TNFRSF25: variants seen among roughly 807,000 people sequenced by gnomAD.
TNFRSF25 encodes TNF receptor superfamily member 25.
Under a neutral mutation model 49.4 loss-of-function variants are expected in TNFRSF25, and 28 were observed. The observed-to-expected ratio is 0.57, with a 90% CI of 0.42 to 0.78. TNFRSF25 has a LOEUF of 0.78. Ranked by LOEUF, TNFRSF25 falls within the 30% of genes least tolerant of loss-of-function variation. The pLI is 0.00. For synonymous variants in TNFRSF25, 240 were observed against 234.2 expected, an observed-to-expected ratio of 1.02 and a Z score of -0.23; for missense variants, 531 against 581.6, an observed-to-expected ratio of 0.91 and a Z score of 0.90.
chr1:6,464,544 G>T lies in TNFRSF25; in HGVS notation c.463+8C>A, dbSNP rs1569797992. 1.2e-6 allele frequency: 2 copies of T among 1,614,020 alleles called. No individual in the cohort carries two copies. Among genetic ancestry groups the T allele is most frequent in the Non-Finnish European group, 1.7e-6 (2 of 1,179,950 alleles). On this transcript the variant is annotated splice_region_variant and intron_variant, in intron 4 of 9. Coordinates refer to ENST00000356876, the MANE Select transcript of TNFRSF25 (RefSeq NM_003790.3). ...TGGGAGTAGAGAGCCCTGGGTGGGG[G>T]TACTCACAGAGTAGCCGTGTGTGGC...
In TNFRSF25 at chr1:6,461,433, G is replaced by A; in HGVS notation, c.*1C>T. The A allele has an allele frequency of 6.7e-7, 1 of 1,503,032 alleles. No individual in the cohort carries two copies. Among genetic ancestry groups the A allele is most frequent in the Non-Finnish European group, 8.9e-7 (1 of 1,127,384 alleles). The allele number at this position is 1,503,032 out of a possible 1,614,324, so 93.1% of individuals were successfully genotyped here. ...CGCCTAGGTGGCAAGTGGGCGCCGT[G>A]TCACGGGCCGCGCTGCAGGCGGCTG... is the stretch of plus-strand genomic sequence containing the variant. On this transcript the variant is annotated 3_prime_UTR_variant, in exon 10 of 10. Coordinates refer to ENST00000356876, the MANE Select transcript of TNFRSF25 (RefSeq NM_003790.3). The surrounding 1 kb of genome is among the most constrained non-coding windows in gnomAD (Gnocchi z 6.3).
chr1:6,465,535 G>T lies in TNFRSF25; in HGVS notation c.65C>A (p.Ala22Asp). The T allele has an allele frequency of 6.2e-7, 1 of 1,613,328 alleles. No individual in the cohort carries two copies. Among genetic ancestry groups the T allele is most frequent in the Non-Finnish European group, 8.5e-7 (1 of 1,179,868 alleles). The part of the protein sequence containing the change: ...AAALLLVLLG[A>D]RAQGGTRSPR... ...GCTACGAGTGCCGCCCTGGGCCCGG[G>T]CCCCCAGCAGCACCAGGAGGAGCGC... Residue 22 changes from alanine (A) to aspartate (D), a missense_variant, in exon 2 of 10, where the codon GCC (alanine) becomes GAC (aspartate). Physicochemically the swap from Ala to Asp is moderately radical, Grantham distance 126. Coordinates refer to ENST00000356876, the MANE Select transcript of TNFRSF25 (RefSeq NM_003790.3).
rs953419603 is a variant in TNFRSF25, at chr1:6,461,288, G to A, written c.*146C>T. 6.2e-5 allele frequency: 64 copies of A among 1,024,560 alleles called. No homozygotes were observed. Among genetic ancestry groups the A allele is most frequent in the Non-Finnish European group, 8.8e-5 (59 of 668,856 alleles). 63.5% of individuals were successfully genotyped at this position (1,024,560 alleles called of 1,614,324 possible). A position where few individuals can be genotyped will look rare whatever the true frequency, so the allele number is the denominator to read the frequency against. ...TCGCCTTGGCTGGAGCGATAGGGGC[G>A]AGCAGGGGTGGGGCCGGCTGGTGCT... On this transcript the variant is annotated 3_prime_UTR_variant, in exon 10 of 10. Coordinates refer to ENST00000356876, the MANE Select transcript of TNFRSF25 (RefSeq NM_003790.3). This position sits in a 1 kb window ranked among gnomAD's most constrained non-coding sequence, Gnocchi z 6.3.
chr1:6,465,961 C>G, intron 1 of TNFRSF25, 108 bp downstream of exon 1: 1 of 1,481,792 alleles, frequency 6.7e-7, no homozygotes, highest in South Asian at 1.3e-5. Flanking sequence ...GCGGCCAACC[C>G]AGCCCCCAGT....
chr1:6,463,189 A>G, intron 5 of TNFRSF25, 62 bp from the exon 6 acceptor site: 5 of 1,503,694 alleles, frequency 3.3e-6, no homozygotes, highest in Non-Finnish European at 4.5e-6. Flanking sequence ...GCTCCCTAAG[A>G]CTGCCCAGCA....
chr1:6,461,075 T>G lies in TNFRSF25; in HGVS notation c.*359A>C, dbSNP rs1569776046. The G allele has an allele frequency of 4.0e-6, 2 of 496,342 alleles. No individual in the cohort carries two copies. Among genetic ancestry groups the G allele is most frequent in the East Asian group, 1.2e-4 (2 of 17,360 alleles). The allele number at this position is 496,342 out of a possible 1,614,324, so 30.7% of individuals were successfully genotyped here. A position where few individuals can be genotyped will look rare whatever the true frequency, so the allele number is the denominator to read the frequency against. ...GTGCCAGATCCCGGGGTGACAAGAT[T>G]CCCGTCCCCTTCGAATCCCTCGAGA... On this transcript the variant is annotated 3_prime_UTR_variant, in exon 10 of 10. Transcript: ENST00000356876. The surrounding 1 kb of genome is among the most constrained non-coding windows in gnomAD (Gnocchi z 6.3).
rs1297254565 is a variant in TNFRSF25, at chr1:6,465,546, C to T, written c.54G>A (p.Val18=). The change falls in exon 2 of 10, where the codon GTG becomes GTA. Residue 18 remains valine (V), a synonymous_variant. Transcript: ENST00000356876. ...CGCCCTGGGCCCGGGCCCCCAGCAG[C>T]ACCAGGAGGAGCGCCTGGGGGACAG... is the stretch of plus-strand genomic sequence containing the variant. The part of the protein sequence containing the change: ...CAAVAAALLL[V]LLGARAQGGT... The T allele has an allele frequency of 6.2e-7, 1 of 1,613,114 alleles. No homozygotes were observed. The highest frequency in any genetic ancestry group is 8.5e-7 in the Non-Finnish European group (1 of 1,179,850).
intron 1 of TNFRSF25, chr1:6,465,847 G>C: frequency 7.0e-7 from 1 of 1,424,568 alleles, no homozygotes; most frequent in Non-Finnish European, 9.1e-7. Flanking sequence ...TTGGGGGAGG[G>C]ACACTGATAA....
At chr1:6,464,764 C>T (rs1413090041) in intron 3 of TNFRSF25, 45 bp from the exon 4 acceptor site, 7 of 1,594,880 alleles carry the variant, frequency 4.4e-6, no homozygotes, top group Non-Finnish European at 6.0e-6. Flanking sequence ...TTAGTCAGGG[C>T]CAAAGGCTCC....
In TNFRSF25 at chr1:6,461,192, G is replaced by A. The variant is rs1644160428; in HGVS notation, c.*242C>T. ...TTTTCTTTCACAGATTTAATACCGC[G>A]ATCTCAGCCAAACTCCGGCCGAGAA... On this transcript the variant is annotated 3_prime_UTR_variant, in exon 10 of 10. Coordinates refer to ENST00000356876, the MANE Select transcript of TNFRSF25 (RefSeq NM_003790.3). The surrounding 1 kb of genome is among the most constrained non-coding windows in gnomAD (Gnocchi z 6.3). The A allele has an allele frequency of 1.4e-6, 1 of 716,406 alleles. No individual in the cohort carries two copies. Among genetic ancestry groups the A allele is most frequent in the East Asian group, 2.7e-5 (1 of 36,790 alleles). The allele number at this position is 716,406 out of a possible 1,614,324, so 44.4% of individuals were successfully genotyped here.
At position 6,461,810 on chromosome 1, in the gene TNFRSF25, G is replaced by A; in HGVS notation, c.926-48C>T. 1 of 1,464,760 alleles carries A rather than the reference G, an allele frequency of 6.8e-7. No homozygotes were observed. Among genetic ancestry groups the A allele is most frequent in the Non-Finnish European group, 9.0e-7 (1 of 1,109,574 alleles). The allele number at this position is 1,464,760 out of a possible 1,614,324, so 90.7% of individuals were successfully genotyped here. ...CAATTGGGGTACGTGGGCCGCGGTC[G>A]GGAGGCAGAGTCAGGGGCGTTCGTG... On this transcript the variant is annotated intron_variant, in intron 9 of 9. Coordinates refer to ENST00000356876, the MANE Select transcript of TNFRSF25 (RefSeq NM_003790.3). This position sits in a 1 kb window ranked among gnomAD's most constrained non-coding sequence, Gnocchi z 6.3.
intron 5 of TNFRSF25, chr1:6,464,167 A>G (rs1644263854): frequency 7.0e-7 from 1 of 1,430,224 alleles, no homozygotes; most frequent in Non-Finnish European, 9.2e-7. Flanking sequence ...AGTGAAGGCA[A>G]ATACCCTTAT....
chr1:6,461,757 C>T lies in TNFRSF25; in HGVS notation c.931G>A (p.Ala311Thr). The T allele has an allele frequency of 6.6e-7, 1 of 1,524,410 alleles. No individual in the cohort carries two copies. The highest frequency in any genetic ancestry group is 2.0e-4 in the Middle Eastern group (1 of 5,096). 94.4% of individuals were successfully genotyped at this position (1,524,410 alleles called of 1,614,324 possible). A position where few individuals can be genotyped will look rare whatever the true frequency, so the allele number is the denominator to read the frequency against. The change falls in exon 10 of 10, where the codon GCT becomes ACT. Residue 311 changes from alanine (A) to threonine (T), a missense_variant. By Grantham distance (58) the Ala-to-Thr change is moderately conservative. Coordinates refer to ENST00000356876, the MANE Select transcript of TNFRSF25 (RefSeq NM_003790.3). The surrounding 1 kb of genome is among the most constrained non-coding windows in gnomAD (Gnocchi z 6.3). ...DQLPSRALGP[A>T]AAPTLSPESP... is the part of the protein sequence containing the mutation. ...TCTGGCGAGAGTGTGGGCGCAGCAGCGGGGCCTGGGGCAGGGCCAGAGAGA... is the reference window on the plus strand; with the variant it reads ...TCTGGCGAGAGTGTGGGCGCAGCAGTGGGGCCTGGGGCAGGGCCAGAGAGA...
In TNFRSF25 at chr1:6,465,454, C is replaced by G; in HGVS notation, c.146G>C (p.Arg49Thr). 3 of 1,614,088 alleles carry G rather than the reference C, an allele frequency of 1.9e-6. No homozygotes were observed. Among genetic ancestry groups the G allele is most frequent in the Non-Finnish European group, 2.5e-6 (3 of 1,180,020 alleles). ...TGGCCACTTACCCGCTGGGCAGCCT[C>G]TGCAACAAAACAGACCAATCTTCTT... is the stretch of plus-strand genomic sequence containing the variant. ...FHKKIGLFCC[R>T]GCPAGHYLKA... Residue 49 changes from arginine to threonine, a missense_variant, in exon 2 of 10, where the codon AGA (arginine) becomes ACA (threonine). Coordinates refer to ENST00000356876, the MANE Select transcript of TNFRSF25 (RefSeq NM_003790.3).
Position 6,462,226 on chromosome 1 carries a change from T to C in TNFRSF25, c.745-52A>G, listed in dbSNP as rs1644197268. 6.5e-7 allele frequency: 1 copy of C among 1,546,014 alleles called. No individual in the cohort carries two copies. ...AGCCCTGCTTGCCAAGTAAGGCCCC[T>C]TACCCGCAGTGCCTCTCCAGGAGGG... On this transcript the variant is annotated intron_variant, in intron 8 of 9. Transcript: ENST00000356876. The surrounding 1 kb of genome is among the most constrained non-coding windows in gnomAD (Gnocchi z 4.2).
rs1306565458 is a variant in TNFRSF25 at position 6,465,162 on chromosome 1, G to A, written c.221C>T (p.Pro74Leu). ...PCGNSTCLVC[P>L]QDTFLAWENH... ...CTCCCAGGCCAAGAAGGTGTCTTGGGGACACACAAGGCAGGTGGAGTTGCC... is the reference window on the plus strand; with the variant it reads ...CTCCCAGGCCAAGAAGGTGTCTTGGAGACACACAAGGCAGGTGGAGTTGCC... The change falls in exon 3 of 10, where the codon CCC becomes CTC. Residue 74 changes from proline to leucine, a missense_variant. Coordinates refer to ENST00000356876, the MANE Select transcript of TNFRSF25 (RefSeq NM_003790.3). The A allele has an allele frequency of 6.2e-7, 1 of 1,613,896 alleles. No individual in the cohort carries two copies. Among genetic ancestry groups the A allele is most frequent in the East Asian group, 2.2e-5 (1 of 44,888 alleles).
rs763826049 is a variant in TNFRSF25, at chr1:6,461,754, C to T, written c.934G>A (p.Ala312Thr). The T allele has an allele frequency of 5.6e-5, 85 of 1,526,564 alleles. No individual in the cohort carries two copies. Among genetic ancestry groups the T allele is most frequent in the Non-Finnish European group, 7.0e-5 (80 of 1,139,790 alleles). 94.6% of individuals were successfully genotyped at this position (1,526,564 alleles called of 1,614,324 possible). The part of the protein sequence containing the change: ...QLPSRALGPA[A>T]APTLSPESPA... Reference sequence around the variant, plus strand: ...GACTCTGGCGAGAGTGTGGGCGCAGCAGCGGGGCCTGGGGCAGGGCCAGAG... The same window carrying T: ...GACTCTGGCGAGAGTGTGGGCGCAGTAGCGGGGCCTGGGGCAGGGCCAGAG... Residue 312 changes from alanine to threonine, a missense_variant, in exon 10 of 10, where the codon GCT (alanine) becomes ACT (threonine). By Grantham distance (58) the Ala-to-Thr change is moderately conservative. Coordinates refer to ENST00000356876, the MANE Select transcript of TNFRSF25 (RefSeq NM_003790.3). The surrounding 1 kb of genome is among the most constrained non-coding windows in gnomAD (Gnocchi z 6.3).
Position 6,462,206 on chromosome 1 carries a change from T to G in TNFRSF25, c.745-32A>C. On this transcript the variant is annotated intron_variant, in intron 8 of 9. Transcript: ENST00000356876. The surrounding 1 kb of genome is among the most constrained non-coding windows in gnomAD (Gnocchi z 4.2). ...GCCAAGAGGGGCCCCAGGTCAGCCC[T>G]GCTTGCCAAGTAAGGCCCCTTACCC... 6.4e-7 allele frequency: 1 copy of G among 1,574,664 alleles called. No homozygotes were observed. Among genetic ancestry groups the G allele is most frequent in the South Asian group, 1.2e-5 (1 of 86,772 alleles).
At chr1:6,464,197 C>A in intron 5 of TNFRSF25, 178 bp downstream of exon 5, 1 of 1,467,818 alleles carries the variant, frequency 6.8e-7, no homozygotes, top group East Asian at 2.5e-5. Context: ...TAAGGCGGAT[C>A]CAGATTGCTC....
Sources: gnomAD v4.1 joint callset for allele counts on GRCh38, gnomAD v4.1.1 for gene constraint, Gnocchi (gnomAD v3.1) non-coding constraint, MANE v1.5 for transcripts, NCBI Gene and HGNC (gene_info 2026-07-23, HGNC 2026-07-21) for gene names.